Variants in ERC1 observed in about 807,000 individuals in gnomAD.
ERC1 encodes the protein RAB6 interacting protein 2.
In ERC1, 56 loss-of-function variants were observed where a neutral mutation model predicts 132.0. The ratio of observed to expected loss-of-function variants is 0.42; its 90% CI spans 0.34 to 0.53. The LOEUF is 0.53. Ranked by LOEUF, ERC1 falls within the 20% of genes least tolerant of loss-of-function variation. ERC1 has a pLI of 0.03. For missense variants in ERC1, 1,202 were observed against 1,349.9 expected, an observed-to-expected ratio of 0.89 and a Z score of 1.72; for synonymous variants, 478 against 476.1, an observed-to-expected ratio of 1.00 and a Z score of -0.05.
chr12:1,130,503 T>C (rs973469668), intron 7 of ERC1, among the ~76,000 whole-genome samples: 6 of 152,236 alleles, frequency 3.9e-5, no homozygotes, highest in African/African-American at 1.4e-4. Flanking sequence ...CATACCTGAA[T>C]AGCACTTATT....
chr12:1,012,094 G>A (rs1964773447), intron 1 of ERC1, among the ~76,000 whole-genome samples: 1 of 152,092 alleles, frequency 6.6e-6, no homozygotes, highest in Admixed American at 6.6e-5. Flanking sequence ...TAATAAAGCT[G>A]GTGTATCTTT....
At chr12:1,058,134 T>A (rs1266495026) in intron 2 of ERC1, among the ~76,000 whole-genome samples, 1 of 152,222 alleles carries the variant, frequency 6.6e-6, no homozygotes, top group African/African-American at 2.4e-5. Context: ...ATTCTGCAGA[T>A]TGTCTCTTCA....
intron 15 of ERC1, among the ~76,000 whole-genome samples, chr12:1,333,047 C>G (rs2082993466): frequency 6.9e-6 from 1 of 145,818 alleles, no homozygotes; most frequent in African/African-American, 2.5e-5. Flanking sequence ...GATCCTCGTC[C>G]TGATCCTCGT....
chr12:1,433,643 A>G (rs1221856384), intron 17 of ERC1, among the ~76,000 whole-genome samples: 13 of 152,186 alleles, frequency 8.5e-5, no homozygotes, highest in African/African-American at 2.4e-5. Flanking sequence ...TATCTGACCA[A>G]TGGCATGAGA....
At chr12:1,414,420 T>C (rs2092006532) in intron 17 of ERC1, among the ~76,000 whole-genome samples, 1 of 152,160 alleles carries the variant, frequency 6.6e-6, no homozygotes, top group African/African-American at 2.4e-5. Context: ...TCATGAGGGC[T>C]CCACCCTCAG....
chr12:1,485,222 TGA>T (rs367725833), intron 18 of ERC1, among the ~76,000 whole-genome samples: 4 of 146,654 alleles, frequency 2.7e-5, no homozygotes, highest in African/African-American at 5.1e-5. Context: ...TTTTTTTTTT[TGA>T]GACAGAGTCT....
intron 2 of ERC1, among the ~76,000 whole-genome samples, chr12:1,038,053 A>T (rs541155243): frequency 8.5e-5 from 13 of 152,144 alleles, no homozygotes; most frequent in African/African-American, 3.1e-4. Flanking sequence ...TCAAAAAAAA[A>T]AAAAGAAAAA....
intron 1 of ERC1, chr12:998,270 A>G (rs1430374602): frequency 6.6e-6 from 1 of 152,220 alleles, no homozygotes; most frequent in Non-Finnish European, 1.5e-5. Flanking sequence ...GCTAGTTTCT[A>G]TTGGCTATAT....
chr12:1,195,448 T>C (rs1336889501), intron 12 of ERC1, among the ~76,000 whole-genome samples: 1 of 152,234 alleles, frequency 6.6e-6, no homozygotes, highest in African/African-American at 2.4e-5. Context: ...AGATTCAGAT[T>C]TTTTAAAGCC....
At chr12:1,163,694 A>G (rs956793860) in intron 8 of ERC1, among the ~76,000 whole-genome samples, 2 of 152,018 alleles carry the variant, frequency 1.3e-5, no homozygotes, top group African/African-American at 4.8e-5. Flanking sequence ...CTCTGTCTAC[A>G]TGGTGGTTTT....
intron 17 of ERC1, among the ~76,000 whole-genome samples, chr12:1,431,355 T>C (rs1407660250): frequency 3.3e-5 from 5 of 152,230 alleles, no homozygotes; most frequent in Non-Finnish European, 7.3e-5. Flanking sequence ...CTTGAAAACA[T>C]TGGACCCAAT....
intron 17 of ERC1, among the ~76,000 whole-genome samples, chr12:1,433,834 T>G (rs1296584386): frequency 6.6e-6 from 1 of 152,116 alleles, no homozygotes; most frequent in Non-Finnish European, 1.5e-5. Flanking sequence ...GGCAGACTGG[T>G]TAAAGCATGA....
chr12:1,298,755 CA>C (rs1199357245), intron 15 of ERC1, among the ~76,000 whole-genome samples: 1 of 149,814 alleles, frequency 6.7e-6, no homozygotes, highest in African/African-American at 2.5e-5. Flanking sequence ...AAGTAAAGGA[CA>C]GAGATACTAG....
chr12:1,033,373 A>G (rs1458497534), intron 2 of ERC1, among the ~76,000 whole-genome samples: 1 of 151,410 alleles, frequency 6.6e-6, no homozygotes, highest in African/African-American at 2.4e-5. Flanking sequence ...GTTTCACCAC[A>G]TTGACCAGAC....
chr12:994,918 A>G (rs1960480918), intron 1 of ERC1, among the ~76,000 whole-genome samples: 1 of 152,110 alleles, frequency 6.6e-6, no homozygotes, highest in African/African-American at 2.4e-5. Context: ...AGCATGGTGA[A>G]ACCCCGTCTC....
rs1219978629 is a variant in ERC1, at chr12:1,370,713, G to A, written c.2781-1120G>A. Among the ~76,000 whole-genome samples the A allele has an allele frequency of 2.6e-5, 4 of 152,040 alleles. No individual in the cohort carries two copies. The East Asian group carries it at 7.7e-4, about 29-fold the overall frequency. ...CTTACTAATATAGTTTTTTTTAAAA[G>A]GTTAACAATTTTTATTTATTCTTTT... On this transcript the variant is annotated intron_variant, in intron 15 of 18. Coordinates refer to ENST00000360905, the MANE Select transcript of ERC1 (RefSeq NM_178040.4).
chr12:1,130,530 A>G (rs1948657106), intron 7 of ERC1, among the ~76,000 whole-genome samples: 1 of 152,150 alleles, frequency 6.6e-6, no homozygotes. Flanking sequence ...TACTTTGTGT[A>G]GCCAATACTG....
At position 996,210 on chromosome 12, in the gene ERC1, G is replaced by A. The variant is rs970242572; in HGVS notation, c.-157+4888G>A. On this transcript the variant is annotated intron_variant, in intron 1 of 18. Coordinates refer to ENST00000360905, the MANE Select transcript of ERC1 (RefSeq NM_178040.4). ...TTCACACCATTCTGCCTCAGCCTCC[G>A]GAGTAGCTGGGACTACAGGTGCCCG... Among the ~76,000 whole-genome samples, 6 of 146,490 alleles carry A rather than the reference G, an allele frequency of 4.1e-5. No homozygotes were observed. In the East Asian group the frequency reaches 6.0e-4, roughly 15 times the overall value.
At chr12:1,263,391 A>G (rs1167121488) in intron 14 of ERC1, among the ~76,000 whole-genome samples, 1 of 152,206 alleles carries the variant, frequency 6.6e-6, no homozygotes, top group African/African-American at 2.4e-5. Flanking sequence ...AGCAAAGCTG[A>G]GAGAGAATTG....
Sources: allele counts gnomAD v4.1 joint callset (sites outside exome capture counted in the v4.1 genomes callset), GRCh38; gene constraint gnomAD v4.1.1; transcripts MANE v1.5; gene names NCBI Gene and HGNC (gene_info 2026-07-23, HGNC 2026-07-21).